Variants in SORBS3 observed in about 807,000 individuals in gnomAD.
SORBS3 encodes sorbin and SH3 domain containing 3.
Under a neutral mutation model 98.0 loss-of-function variants are expected in SORBS3, and 69 were observed. The observed-to-expected ratio is 0.70, with a 90% confidence interval of 0.58 to 0.86. The LOEUF (loss-of-function observed/expected upper bound fraction) is 0.86. Ranked by LOEUF, SORBS3 falls within the 40% of genes least tolerant of loss-of-function variation. The pLI is 0.00. For missense variants in SORBS3, 954 were observed against 908.5 expected (o/e 1.05, Z -0.64); for synonymous variants, 394 against 355.4 (o/e 1.11, Z -1.22).
At chr8:22,547,410 A>T (rs2117182685), upstream of SORBS3, among the ~76,000 whole-genome samples, 1 of 152,290 alleles carries the variant, frequency 6.6e-6, no homozygotes, top group African/African-American at 2.4e-5. Context: ...ATGGTAAATG[A>T]AGCAGACTTT....
chr8:22,569,596 C>T (rs575245573), intron 17 of SORBS3, among the ~76,000 whole-genome samples: 1 of 152,326 alleles, frequency 6.6e-6, no homozygotes, highest in South Asian at 2.1e-4. Context: ...CCTCAGCCTC[C>T]TAAAGTGTTG....
chr8:22,562,577 C>T (rs749840452), intron 7 of SORBS3, among the ~76,000 whole-genome samples: 20 of 152,138 alleles, frequency 1.3e-4, no homozygotes, highest in Admixed American at 8.5e-4. Flanking sequence ...GAAACTGGCC[C>T]GTAGCTCTGG....
intron 1 of SORBS3, among the ~76,000 whole-genome samples, chr8:22,552,681 C>T (rs557297998): frequency 1.3e-5 from 2 of 152,302 alleles, no homozygotes; most frequent in Admixed American, 1.3e-4. Flanking sequence ...GGAAGGAAGG[C>T]GCTGTCAGCT....
At chr8:22,574,174 C>T (rs1363745096) in intron 20 of SORBS3, among the ~76,000 whole-genome samples, 1 of 152,142 alleles carries the variant, frequency 6.6e-6, no homozygotes, top group African/African-American at 2.4e-5. Context: ...CTGGGGTTCC[C>T]CCCCCTCCTC....
chr8:22,564,521 G>A lies in SORBS3; in HGVS notation c.816G>A (p.Glu272=). Residue 272 remains glutamate (E), a splice_region_variant and synonymous_variant, in exon 10 of 21, where the codon GAG becomes GAA. Coordinates refer to ENST00000240123, the MANE Select transcript of SORBS3 (RefSeq NM_005775.5). ...DPGEKPSQPI[E]VLLERELAEL... ...GTGAGAAGCCCTCCCAGCCCATTGA[G>A]GTGAGTGCTGCAGGGTGCTGGGGAC... 1 of 1,614,048 alleles carries A rather than the reference G, an allele frequency of 6.2e-7. No homozygotes were observed. Among genetic ancestry groups the A allele is most frequent in the Non-Finnish European group, 8.5e-7 (1 of 1,180,006 alleles).
intron 17 of SORBS3, among the ~76,000 whole-genome samples, chr8:22,569,892 A>G (rs1235668854): frequency 6.6e-6 from 1 of 152,084 alleles, no homozygotes; most frequent in African/African-American, 2.4e-5. Flanking sequence ...AGTTACATAT[A>G]TATTTTTTCA....
At chr8:22,572,692 G>A (rs1294830438) in intron 20 of SORBS3, among the ~76,000 whole-genome samples, 1 of 152,240 alleles carries the variant, frequency 6.6e-6, no homozygotes, top group African/African-American at 2.4e-5. Context: ...GTCACTGATG[G>A]AGTCAGTGGG....
chr8:22,554,576 T>G lies in SORBS3; in HGVS notation c.70T>G (p.Ser24Ala), dbSNP rs760935746. 3 of 1,612,870 alleles carry G rather than the reference T, an allele frequency of 1.9e-6. No individual in the cohort carries two copies. The highest frequency in any genetic ancestry group is 2.5e-6 in the Non-Finnish European group (3 of 1,179,946). Residue 24 changes from serine (S) to alanine (A), a missense_variant, in exon 2 of 21, where the codon TCC becomes GCC. Physicochemically the swap from Ser to Ala is moderately conservative, Grantham distance 99. Coordinates refer to ENST00000240123, the MANE Select transcript of SORBS3 (RefSeq NM_005775.5). The surrounding 1 kb of genome is among the most constrained non-coding windows in gnomAD (Gnocchi z 6.5). ...CGACTTCATCCCTGGCCACCTCCAG[T>G]CCCACATAGGGTCTTCCTCCCGGGG... is the stretch of plus-strand genomic sequence containing the variant. ...LDDFIPGHLQ[S>A]HIGSSSRGTR...
intron 17 of SORBS3, among the ~76,000 whole-genome samples, chr8:22,570,626 C>T (rs751985550): frequency 9.9e-5 from 15 of 152,166 alleles, no homozygotes; most frequent in Admixed American, 1.3e-4. Context: ...CACCTGTGAT[C>T]GGAGCTCTGG....
intron 6 of SORBS3, 119 bp downstream of exon 6, chr8:22,561,492 T>A: frequency 9.1e-7 from 1 of 1,099,232 alleles, no homozygotes; most frequent in Non-Finnish European, 1.4e-6. Flanking sequence ...CAGTTCAACC[T>A]GAGAGGTTTT....
intron 4 of SORBS3, among the ~76,000 whole-genome samples, 160 bp downstream of exon 4, chr8:22,557,068 C>T (rs1053648542): frequency 1.3e-5 from 2 of 152,184 alleles, no homozygotes; most frequent in Non-Finnish European, 2.9e-5. Context: ...GGCTGTAAAC[C>T]TCATAAAGCT....
chr8:22,565,046 G>A (rs1248849525), intron 10 of SORBS3: 10 of 1,409,936 alleles, frequency 7.1e-6, no homozygotes, highest in African/African-American at 1.5e-5. Flanking sequence ...CAGGAAGCGC[G>A]TAGGCACTCC....
intron 6 of SORBS3, 112 bp downstream of exon 6, chr8:22,561,485 T>G: frequency 8.4e-7 from 1 of 1,196,980 alleles, no homozygotes. Flanking sequence ...GTTGGCTCAG[T>G]TCAACCTGAG....
At chr8:22,558,027 A>G (rs943506015) in intron 4 of SORBS3, 102 bp from the exon 5 acceptor site, 6 of 1,072,640 alleles carry the variant, frequency 5.6e-6, no homozygotes, top group Non-Finnish European at 8.7e-6. Flanking sequence ...TGGGGGGTTC[A>G]GGGATGGCCA....
intron 17 of SORBS3, among the ~76,000 whole-genome samples, chr8:22,570,135 A>G (rs1385193707): frequency 1.3e-5 from 2 of 152,156 alleles, no homozygotes; most frequent in Non-Finnish European, 2.9e-5. Context: ...TGATTTTGGG[A>G]GCAGTGATCA....
chr8:22,566,543 T>C lies in SORBS3; in HGVS notation c.1090+59T>C. ...GATGCCCACCCACCAGGCATGTTGG[T>C]GCCCCAGGGGTGGCAGGTCACAGAG... On this transcript the variant is annotated intron_variant, in intron 13 of 20. Transcript: ENST00000240123. The C allele has an allele frequency of 1.9e-6, 3 of 1,596,628 alleles. No individual in the cohort carries two copies. The South Asian group carries it at 3.4e-5, about 18-fold the overall frequency.
In SORBS3 at chr8:22,558,054, G is replaced by T. The variant is rs1000861532; in HGVS notation, c.415-75G>T. 3 of 1,475,808 alleles carry T rather than the reference G, an allele frequency of 2.0e-6. No individual in the cohort carries two copies. In the Admixed American group the frequency reaches 5.0e-5, roughly 25 times the overall value. 91.4% of individuals were successfully genotyped at this position (1,475,808 alleles called of 1,614,324 possible). A position where few individuals can be genotyped will look rare whatever the true frequency, so the allele number is the denominator to read the frequency against. On this transcript the variant is annotated intron_variant, in intron 4 of 20. Coordinates refer to ENST00000240123, the MANE Select transcript of SORBS3 (RefSeq NM_005775.5). ...GGATGGCCAGAGAAGGGACTCACTA[G>T]GGAAAGATTTTTGTGGCTTGAAATT...
chr8:22,566,150 G>T (rs2117266506), intron 12 of SORBS3, 195 bp from the exon 13 acceptor site: 1 of 738,244 alleles, frequency 1.4e-6, no homozygotes, highest in East Asian at 3.3e-5. Flanking sequence ...CACTCCCGCT[G>T]GGCCCTGCCG....
At chr8:22,572,282 A>G in intron 19 of SORBS3, 58 bp from the exon 20 acceptor site, 2 of 1,430,746 alleles carry the variant, frequency 1.4e-6, no homozygotes, top group South Asian at 2.3e-5. Context: ...GGAAGCGGCA[A>G]CACTTGGGTT....
Sources: gnomAD v4.1 joint callset for allele counts (sites outside exome capture counted in the v4.1 genomes callset) on GRCh38, gnomAD v4.1.1 for gene constraint, Gnocchi (gnomAD v3.1) non-coding constraint, MANE v1.5 for transcripts, NCBI Gene and HGNC (gene_info 2026-07-23, HGNC 2026-07-21) for gene names.